PDE6A: variants seen among roughly 807,000 people sequenced by gnomAD.
PDE6A encodes the protein rod cGMP-specific 3',5'-cyclic phosphodiesterase subunit alpha.
PDE6A carries 84 observed loss-of-function variants against 106.3 expected under a neutral mutation model. The ratio of observed to expected loss-of-function variants is 0.79; its 90% CI spans 0.66 to 0.95. PDE6A has a LOEUF of 0.95. Among genes scored for constraint, PDE6A ranks in the 40% least tolerant of loss-of-function variants. The pLI is 0.00. For missense variants in PDE6A, 1,052 were observed against 1,084.9 expected, an observed-to-expected ratio of 0.97 and a Z score of 0.43; for synonymous variants, 394 against 386.6, an observed-to-expected ratio of 1.02 and a Z score of -0.23.
chr5:149,935,335 G>A (rs1754151121), intron 1 of PDE6A, among the ~76,000 whole-genome samples: 1 of 151,988 alleles, frequency 6.6e-6, no homozygotes, highest in African/African-American at 2.4e-5. Context: ...AGAGAAGCCT[G>A]GATAAGGTTA....
rs531677060 is a variant in PDE6A at position 149,863,042 on chromosome 5, G to C, written c.2506+77C>G. 6.4e-7 allele frequency: 1 copy of C among 1,562,986 alleles called. No individual in the cohort carries two copies. Among genetic ancestry groups the C allele is most frequent in the Admixed American group, 1.7e-5 (1 of 59,960 alleles). On this transcript the variant is annotated intron_variant, in intron 21 of 21. Coordinates refer to ENST00000255266, the MANE Select transcript of PDE6A (RefSeq NM_000440.3). This position sits in a 1 kb window ranked among gnomAD's most constrained non-coding sequence, Gnocchi z 4.7. Reference sequence around the variant, plus strand: ...GGCCTGAATGAGACTCCGTGTAAGAGTCTCTGAGGCAGGACGCAGACACTG... The same window carrying C: ...GGCCTGAATGAGACTCCGTGTAAGACTCTCTGAGGCAGGACGCAGACACTG...
At chr5:149,916,639 C>T (rs1376537567) in intron 5 of PDE6A, among the ~76,000 whole-genome samples, 2 of 152,176 alleles carry the variant, frequency 1.3e-5, no homozygotes, top group African/African-American at 4.8e-5. Context: ...TGGCATGTGA[C>T]TCCATTCCCC....
chr5:149,943,233 T>A (rs962435051), intron 1 of PDE6A, among the ~76,000 whole-genome samples: 2 of 152,226 alleles, frequency 1.3e-5, no homozygotes, highest in Non-Finnish European at 2.9e-5. Flanking sequence ...CCAAGCATAC[T>A]GCCTGCAAAC....
intron 6 of PDE6A, among the ~76,000 whole-genome samples, 188 bp from the exon 7 acceptor site, chr5:149,907,566 G>C (rs1467146344): frequency 6.6e-6 from 1 of 152,182 alleles, no homozygotes; most frequent in African/African-American, 2.4e-5. Flanking sequence ...TGGAGAAAGG[G>C]TGGCAAATAT....
Position 149,921,689 on chromosome 5 carries a change from C to T in PDE6A, c.879G>A (p.Pro293=), listed in dbSNP as rs137853899. 1.5e-4 allele frequency: 247 copies of T among 1,613,486 alleles called. No homozygotes were observed. Among genetic ancestry groups the T allele is most frequent in the African/African-American group, 1.7e-4 (13 of 74,836 alleles). ...AAGGTGGAACTTCACCCATCAGAAC[C>T]GGCCACACATCAAAAAATTCCTAGG... The part of the protein sequence containing the change: ...TKQKEFFDVW[P]VLMGEVPPYS... Residue 293 remains proline (P), a synonymous_variant, in exon 5 of 22, where the codon CCG becomes CCA. Transcript: ENST00000255266.
At chr5:149,915,031 A>AC in intron 5 of PDE6A, 24 bp from the exon 6 acceptor site, 1 of 1,155,132 alleles carries the variant, frequency 8.7e-7, no homozygotes, top group Non-Finnish European at 1.2e-6. Context: ...GAAAAATTAT[A>AC]CTTTTTTTTT....
chr5:149,923,266 G>A (rs1753772070), intron 4 of PDE6A, among the ~76,000 whole-genome samples: 1 of 152,138 alleles, frequency 6.6e-6, no homozygotes, highest in Admixed American at 6.5e-5. Context: ...GGGAGGCTGA[G>A]GCGGATGGAT....
chr5:149,929,412 C>G (rs1162355188), intron 4 of PDE6A, among the ~76,000 whole-genome samples: 1 of 152,084 alleles, frequency 6.6e-6, no homozygotes, highest in Non-Finnish European at 1.5e-5. Context: ...TGAGACCATC[C>G]TGGCTAAAAC....
intron 17 of PDE6A, among the ~76,000 whole-genome samples, chr5:149,879,895 A>G (rs1036185683): frequency 6.6e-6 from 1 of 152,036 alleles, no homozygotes. Flanking sequence ...ATTTTGGTAT[A>G]AGGAATGAGA....
At chr5:149,871,754 C>A (rs1410329863) in intron 17 of PDE6A, among the ~76,000 whole-genome samples, 1 of 152,088 alleles carries the variant, frequency 6.6e-6, no homozygotes, top group East Asian at 1.9e-4. Context: ...GGTGACGTGG[C>A]CACATTTGTA....
chr5:149,897,648 G>A (rs150664937), intron 10 of PDE6A, among the ~76,000 whole-genome samples: 15 of 151,924 alleles, frequency 9.9e-5, no homozygotes, highest in South Asian at 2.1e-4. Flanking sequence ...TGGCAATCAC[G>A]GCTCACTGCA....
rs750240631 is a variant in PDE6A, at chr5:149,934,702, T to C, written c.491A>G (p.Asp164Gly). 6 of 1,613,718 alleles carry C rather than the reference T, an allele frequency of 3.7e-6. No individual in the cohort carries two copies. The African/African-American group carries it at 8.0e-5, about 22-fold the overall frequency. The change falls in exon 2 of 22, where the codon GAC becomes GGC. Residue 164 changes from aspartate (D) to glycine (G), a missense_variant. This residue lies in a region of PDE6A where 913 missense variants were observed against 915.2 expected (regional missense o/e 1.00). Coordinates refer to ENST00000255266, the MANE Select transcript of PDE6A (RefSeq NM_000440.3). ...PNTEEDEHFC[D>G]FVDILTEYKT... Reference sequence around the variant, plus strand: ...GTACTCTGTGAGGATGTCCACAAAGTCACAGAAATGCTCATCCTAAAGGAA... The same window carrying C: ...GTACTCTGTGAGGATGTCCACAAAGCCACAGAAATGCTCATCCTAAAGGAA...
At chr5:149,867,340 G>A in intron 19 of PDE6A, 3 of 344,682 alleles carry the variant, frequency 8.7e-6, no homozygotes, top group South Asian at 8.0e-5. Flanking sequence ...AGGGTCAGGG[G>A]AGGTGGATGG....
chr5:149,920,234 C>T (rs1179397752), intron 5 of PDE6A, among the ~76,000 whole-genome samples: 4 of 151,784 alleles, frequency 2.6e-5, no homozygotes, highest in Non-Finnish European at 4.4e-5. Context: ...ACTTAAATGC[C>T]TAGAGAGGTT....
At chr5:149,933,814 T>A (rs1754110468) in intron 3 of PDE6A, 116 bp downstream of exon 3, 1 of 741,290 alleles carries the variant, frequency 1.3e-6, no homozygotes, top group African/African-American at 1.7e-5. Flanking sequence ...CTCGTGATGC[T>A]GGCCAGAGAC....
chr5:149,927,980 C>A (rs1363163278), intron 4 of PDE6A, among the ~76,000 whole-genome samples: 2 of 151,710 alleles, frequency 1.3e-5, no homozygotes, highest in East Asian at 3.9e-4. Flanking sequence ...GGCAAAAACA[C>A]GCATGGAGCT....
chr5:149,870,963 GAA>G (rs750777912), intron 17 of PDE6A, among the ~76,000 whole-genome samples: 1 of 145,858 alleles, frequency 6.9e-6, no homozygotes, highest in African/African-American at 2.6e-5. Flanking sequence ...GAAAAGAAAA[GAA>G]AAAAAGAACC....
Position 149,896,493 on chromosome 5 carries a change from G to A in PDE6A, c.1483C>T (p.Leu495=), listed in dbSNP as rs769353417. The A allele has an allele frequency of 1.7e-5, 28 of 1,614,014 alleles. No individual in the cohort carries two copies. Among genetic ancestry groups the A allele is most frequent in the African/African-American group, 2.7e-5 (2 of 74,900 alleles). Residue 495 remains leucine (L), a synonymous_variant, in exon 12 of 22, where the codon CTG becomes TTG. Transcript: ENST00000255266. ...ATTTCGTATTTATCTGCATCTGGCA[G>A]CTCCGCTTGCTGTATAAGGAATAGA... is the stretch of plus-strand genomic sequence containing the variant. ...EELAEILQAE[L]PDADKYEINK...
Position 149,905,331 on chromosome 5 carries a change from A to G in PDE6A, c.1066-1636T>C, listed in dbSNP as rs560816044. 5.9e-5 allele frequency among the ~76,000 whole-genome samples: 9 copies of G among 152,078 alleles called. No individual in the cohort carries two copies. In the South Asian group the frequency reaches 1.9e-3, roughly 32 times the overall value. On this transcript the variant is annotated intron_variant, in intron 7 of 21. Transcript: ENST00000255266. ...TTCCTCCACACTCATAATTTCAAAC[A>G]CCATCTGGTCCTGATATCTTCCAAA...
Sources: gnomAD v4.1 joint callset for allele counts (sites outside exome capture counted in the v4.1 genomes callset) on GRCh38, gnomAD v4.1.1 for gene constraint, gnomAD v4.1.1 regional missense constraint, Gnocchi (gnomAD v3.1) non-coding constraint, MANE v1.5 for transcripts, NCBI Gene and HGNC (gene_info 2026-07-23, HGNC 2026-07-21) for gene names.